The following THBS2 variants were observed in gnomAD, a reference collection of about 807,000 sequenced individuals.
THBS2 encodes thrombospondin-2.
In THBS2, 47 loss-of-function variants were observed where a neutral mutation model predicts 135.2. The observed-to-expected ratio is 0.35, with a 90% CI of 0.28 to 0.44. The LOEUF (loss-of-function observed/expected upper bound fraction) is 0.44. THBS2 is among the 20% of genes least tolerant of loss of function. The pLI is 1.00. For synonymous variants in THBS2, 639 were observed against 633.8 expected, an observed-to-expected ratio of 1.01 and a Z score of -0.12; for missense variants, 1,288 against 1,603.1, an observed-to-expected ratio of 0.80 and a Z score of 3.36.
intron 3 of THBS2, among the ~76,000 whole-genome samples, chr6:169,247,342 T>C (rs142607996): frequency 4.6e-5 from 7 of 152,210 alleles, no homozygotes; most frequent in African/African-American, 1.4e-4. Context: ...CTGCATGCAT[T>C]GTGTGTGCAC....
rs780422118 is a variant in THBS2 at position 169,241,407 on chromosome 6, GTGTGTGTGTA to G, written c.891+345_891+354del. On this transcript the variant is annotated intron_variant, in intron 5 of 21. Coordinates refer to ENST00000617924, the MANE Select transcript of THBS2 (RefSeq NM_003247.5). The surrounding 1 kb of genome is among the most constrained non-coding windows in gnomAD (Gnocchi z 5.5). ...AAATTATTTTCCTCTGCAGGTGTGT[GTGTGTGTGTA>G]TGTGTGTGTATGTGTGTGTGTATGT... is the stretch of plus-strand genomic sequence containing the variant. Among the ~76,000 whole-genome samples, 121 of 114,242 alleles carry G rather than the reference GTGTGTGTGTA, an allele frequency of 1.1e-3. No homozygotes were observed. Among genetic ancestry groups the G allele is most frequent in the African/African-American group, 2.9e-3 (105 of 36,022 alleles). The allele number at this position is 114,242 out of a possible 152,430, so 74.9% of individuals were successfully genotyped here.
chr6:169,245,141 C>T (rs528866210), intron 4 of THBS2, among the ~76,000 whole-genome samples: 10 of 152,326 alleles, frequency 6.6e-5, no homozygotes, highest in African/African-American at 1.2e-4. Context: ...GTGTGGCAGA[C>T]GTGAGCTCCG....
At chr6:169,218,607 GTGGATGGATGAATGGA>G (rs1194089449) in intron 21 of THBS2, among the ~76,000 whole-genome samples, 1 of 143,976 alleles carries the variant, frequency 6.9e-6, no homozygotes, top group Non-Finnish European at 1.5e-5. Context: ...GTGTGGGTGG[GTGGATGGATGAATGGA>G]TGGATGGATG....
At chr6:169,251,911 GCAGCACGGCCTGCGGCCGGAGT>G (rs1780769095) in intron 1 of THBS2, 1 of 150,034 alleles carries the variant, frequency 6.7e-6, no homozygotes, top group African/African-American at 2.5e-5. Flanking sequence ...GGCTCCGGAA[GCAGCACGGCCTGCGGCCGGAGT>G]CAGCACCAGG....
chr6:169,236,348 A>G (rs1780069174), intron 9 of THBS2, among the ~76,000 whole-genome samples: 1 of 61,264 alleles, frequency 1.6e-5, no homozygotes, highest in Non-Finnish European at 3.2e-5. Context: ...CTCACTCCCC[A>G]TCCACACTCC....
chr6:169,238,793 A>G (rs73043893), intron 7 of THBS2, among the ~76,000 whole-genome samples: 17,407 of 152,290 alleles, frequency 0.11, 1,201 homozygotes, highest in Non-Finnish European at 0.15. Flanking sequence ...AGGATGACAC[A>G]GCTCTGGGGC....
intron 4 of THBS2, among the ~76,000 whole-genome samples, chr6:169,242,957 TTCCCACTGC>T (rs1562363373): frequency 1.5e-3 from 139 of 92,936 alleles, no homozygotes; most frequent in African/African-American, 1.7e-3. Flanking sequence ...CCTTCCCACC[TTCCCACTGC>T]TCCCACCTTC....
chr6:169,248,826 T>C lies in THBS2; in HGVS notation c.200A>G (p.Asn67Ser). The C allele has an allele frequency of 6.2e-7, 1 of 1,611,090 alleles. No homozygotes were observed. Among genetic ancestry groups the C allele is most frequent in the South Asian group, 1.1e-5 (1 of 91,088 alleles). The change falls in exon 3 of 22, where the codon AAC (asparagine) becomes AGC (serine). Residue 67 changes from asparagine to serine, a missense_variant. Transcript: ENST00000617924. ...GGTGATCTTGCTGAGGTCATCTGCG[T>C]TCACCGGTGGGATGTAGTCAAAGCG... ...FVRFDYIPPV[N>S]ADDLSKITKI...
chr6:169,225,338 G>A lies in THBS2; in HGVS notation c.2580C>T (p.Asn860=). ...DNDLVGDQCD[N]NEDIDDDGHQ... is the part of the protein sequence containing the mutation. ...GGCCGTCGTCATCTATGTCCTCGTT[G>A]TTGTCACACTGGTCCCCAACAAGGT... The change falls in exon 17 of 22, where the codon AAC becomes AAT. Residue 860 remains asparagine (N), a synonymous_variant. Coordinates refer to ENST00000617924, the MANE Select transcript of THBS2 (RefSeq NM_003247.5). 6.4e-7 allele frequency: 1 copy of A among 1,564,614 alleles called. No individual in the cohort carries two copies. Among genetic ancestry groups the A allele is most frequent in the Non-Finnish European group, 8.7e-7 (1 of 1,154,150 alleles).
chr6:169,250,370 T>TA (rs1214343228), intron 2 of THBS2, among the ~76,000 whole-genome samples: 6 of 152,300 alleles, frequency 3.9e-5, no homozygotes, highest in Admixed American at 3.3e-4. Flanking sequence ...ATGTGGTCAT[T>TA]AAAAATCATA....
chr6:169,226,431 G>A (rs375973116), intron 15 of THBS2, 133 bp from the exon 16 acceptor site: 68 of 591,618 alleles, frequency 1.1e-4, no homozygotes, highest in African/African-American at 2.8e-4. Flanking sequence ...ATAAAAAGAC[G>A]CCTAAGAATA....
intron 20 of THBS2, 82 bp downstream of exon 20, chr6:169,221,348 C>T (rs1779422837): frequency 7.9e-7 from 1 of 1,268,694 alleles, no homozygotes; most frequent in Non-Finnish European, 1.1e-6. Flanking sequence ...TTCACTTGAG[C>T]TTATTTGTCT....
intron 3 of THBS2, among the ~76,000 whole-genome samples, chr6:169,247,738 G>A (rs1189965540): frequency 6.7e-6 from 1 of 149,110 alleles, no homozygotes. Context: ...GTGCATGCAT[G>A]AGTGTGTTCA....
chr6:169,225,387 A>T lies in THBS2; in HGVS notation c.2539-8T>A. 6.4e-7 allele frequency: 1 copy of T among 1,552,676 alleles called. No individual in the cohort carries two copies. The highest frequency in any genetic ancestry group is 8.7e-7 in the Non-Finnish European group (1 of 1,147,426). On this transcript the variant is annotated splice_polypyrimidine_tract_variant and splice_region_variant and intron_variant, in intron 16 of 21. Transcript: ENST00000617924. ...GTCATTGTCCACGTCGGTCTAGGGG[A>T]TGGGGCGTGAGAGAAACAGCAGAGG...
At chr6:169,250,652 CTTTAT>C (rs1345735997) in intron 2 of THBS2, 76 bp downstream of exon 2, 4 of 1,349,342 alleles carry the variant, frequency 3.0e-6, no homozygotes, top group Non-Finnish European at 4.1e-6. Context: ...CAACCACACA[CTTTAT>C]TTTGTCATCT....
intron 4 of THBS2, among the ~76,000 whole-genome samples, chr6:169,244,251 G>A (rs1020732295): frequency 7.6e-6 from 1 of 131,846 alleles, no homozygotes; most frequent in Non-Finnish European, 1.6e-5. Context: ...TTATTGACTT[G>A]TACCTGTGAG....
chr6:169,248,881 C>G lies in THBS2; in HGVS notation c.145G>C (p.Asp49His). The G allele has an allele frequency of 6.2e-7, 1 of 1,612,864 alleles. No individual in the cohort carries two copies. The highest frequency in any genetic ancestry group is 8.5e-7 in the Non-Finnish European group (1 of 1,180,018). ...AAGCGGTAAGCCGGCACGCCGGGGT[C>G]GGGCCCGCGGAACTGCTTGGCGCCA... is the stretch of plus-strand genomic sequence containing the variant. ...TIGAKQFRGPDPGVPAYRFVR... is the reference protein window; with the variant it reads ...TIGAKQFRGPHPGVPAYRFVR... Residue 49 changes from aspartate to histidine, a missense_variant, in exon 3 of 22, where the codon GAC (aspartate) becomes CAC (histidine). Asp to His is a moderately conservative substitution (Grantham distance 81). This residue lies in a region of THBS2 where 414 missense variants were observed against 447.0 expected (regional missense o/e 0.93). Coordinates refer to ENST00000617924, the MANE Select transcript of THBS2 (RefSeq NM_003247.5).
At chr6:169,248,066 G>A (rs115014080) in intron 3 of THBS2, among the ~76,000 whole-genome samples, 2,744 of 151,970 alleles carry the variant, frequency 0.018, 74 homozygotes, top group African/African-American at 0.063. Context: ...TGTGTGTTGC[G>A]TGGTGTGTGT....
intron 20 of THBS2, 68 bp from the exon 21 acceptor site, chr6:169,220,405 G>A (rs886749641): frequency 3.2e-6 from 5 of 1,545,434 alleles, no homozygotes; most frequent in Non-Finnish European, 4.4e-6. Flanking sequence ...GCATTCACCA[G>A]TGATGGAAGG....
Sources: gnomAD v4.1 joint callset for allele counts (sites outside exome capture counted in the v4.1 genomes callset) on GRCh38, gnomAD v4.1.1 for gene constraint, gnomAD v4.1.1 regional missense constraint, Gnocchi (gnomAD v3.1) non-coding constraint, MANE v1.5 for transcripts, NCBI Gene and HGNC (gene_info 2026-07-23, HGNC 2026-07-21) for gene names.